Variants in BLTP1 observed in about 807,000 individuals in gnomAD.
BLTP1 encodes fragile site-associated protein.
chr4:122,229,107 CT>C, the BLTP1 span: 1 of 1,570,734 alleles, frequency 6.4e-7, no homozygotes, highest in Admixed American at 1.9e-5. Context: ...ATGTACAATC[CT>C]TTTTTATTTT....
the BLTP1 span, chr4:122,239,948 A>C: frequency 6.2e-7 from 1 of 1,614,118 alleles, no homozygotes; most frequent in Non-Finnish European, 8.5e-7. Flanking sequence ...AGAAAAAGCA[A>C]ACCCAGCAGA....
chr4:122,224,197 G>A, the BLTP1 span: 1 of 584,510 alleles, frequency 1.7e-6, no homozygotes, highest in South Asian at 7.5e-5. Context: ...CCCTGTCAAA[G>A]TACTACTGTA....
the BLTP1 span, among the ~76,000 whole-genome samples, chr4:122,275,461 A>C: frequency 1.3e-5 from 2 of 152,126 alleles, no homozygotes; most frequent in African/African-American, 4.8e-5. Context: ...CGAATCCTTC[A>C]TTTACTCTAA....
the BLTP1 span, among the ~76,000 whole-genome samples, chr4:122,285,863 A>T: frequency 1.3e-5 from 2 of 152,210 alleles, no homozygotes; most frequent in African/African-American, 2.4e-5. Flanking sequence ...CCTCATAAAC[A>T]GTTGGAGAAA....
the BLTP1 span, chr4:122,173,256 T>C: frequency 8.2e-7 from 1 of 1,214,488 alleles, no homozygotes; most frequent in South Asian, 1.4e-5. Context: ...AGGTCATTTA[T>C]AAAGAGAAGC....
the BLTP1 span, chr4:122,246,735 CTAGTAGGAG>C: frequency 6.2e-7 from 1 of 1,612,210 alleles, no homozygotes; most frequent in East Asian, 2.2e-5. Context: ...ACTACGGCTC[CTAGTAGGAG>C]TGTGACTCAT....
At chr4:122,234,799 T>C in the BLTP1 span, 1 of 1,613,642 alleles carries the variant, frequency 6.2e-7, no homozygotes. Flanking sequence ...CCAGATGATA[T>C]CCTGAAGAAT....
chr4:122,166,475 A>G, the BLTP1 span, among the ~76,000 whole-genome samples: 8 of 152,194 alleles, frequency 5.3e-5, no homozygotes, highest in Non-Finnish European at 7.3e-5. Flanking sequence ...TGGTTACTGT[A>G]GCCTTGTAGT....
chr4:122,344,246 T>C, the BLTP1 span: 1 of 995,370 alleles, frequency 1.0e-6, no homozygotes, highest in Non-Finnish European at 1.4e-6. Flanking sequence ...TAGATCCCTC[T>C]GCTTAAATTT....
At chr4:122,192,467 T>C in the BLTP1 span, 1 of 891,428 alleles carries the variant, frequency 1.1e-6, no homozygotes. Context: ...AAAATTTTTA[T>C]AAACTATTTT....
the BLTP1 span, chr4:122,318,396 A>G: frequency 6.7e-6 from 5 of 744,284 alleles, no homozygotes; most frequent in Non-Finnish European, 1.1e-5. Context: ...CCTAACAACA[A>G]ACTTAGGAGG....
the BLTP1 span, chr4:122,200,100 AACATT>A: frequency 1.1e-6 from 1 of 924,922 alleles, no homozygotes; most frequent in Non-Finnish European, 1.3e-6. Context: ...TCTTGTCTTA[AACATT>A]TTACATATGA....
the BLTP1 span, chr4:122,244,923 A>C: frequency 7.2e-7 from 1 of 1,397,828 alleles, no homozygotes; most frequent in Non-Finnish European, 9.8e-7. Flanking sequence ...ATTGTTGTAC[A>C]TATTCAGATG....
chr4:122,295,342 AAAGTT>A, the BLTP1 span, among the ~76,000 whole-genome samples: 3 of 152,296 alleles, frequency 2.0e-5, no homozygotes, highest in Non-Finnish European at 4.4e-5. Context: ...TGAAAGAAAA[AAAGTT>A]AAGGGCAGCC....
chr4:122,219,779 C>A, the BLTP1 span, among the ~76,000 whole-genome samples: 1,488 of 152,230 alleles, frequency 9.8e-3, 3 homozygotes, highest in Non-Finnish European at 0.015. Context: ...TCTAATTTAA[C>A]TTTAGCTCCT....
At chr4:122,275,848 C>A in the BLTP1 span, 2 of 1,146,418 alleles carry the variant, frequency 1.7e-6, no homozygotes, top group Non-Finnish European at 2.2e-6. Context: ...TTTAAAGGAA[C>A]ATTTTAAGAG....
chr4:122,224,118 G>A, the BLTP1 span: 1 of 978,786 alleles, frequency 1.0e-6, no homozygotes, highest in African/African-American at 1.8e-5. Context: ...CTTCAATGTT[G>A]TCTTCCTTTT....
the BLTP1 span, among the ~76,000 whole-genome samples, chr4:122,296,348 T>C: frequency 6.6e-6 from 1 of 152,156 alleles, no homozygotes; most frequent in East Asian, 1.9e-4. Context: ...TACCTAGGAA[T>C]ACAGCTAACA....
chr4:122,236,285 A>G, the BLTP1 span, among the ~76,000 whole-genome samples: 1 of 152,198 alleles, frequency 6.6e-6, no homozygotes, highest in African/African-American at 2.4e-5. Context: ...AGGTCATTGT[A>G]CTTTGGCAGG....
Sources: gnomAD v4.1 joint callset for allele counts (sites outside exome capture counted in the v4.1 genomes callset) on GRCh38, gnomAD v4.1.1 for gene constraint, MANE v1.5 for transcripts, NCBI Gene and HGNC (gene_info 2026-07-23, HGNC 2026-07-21) for gene names.